Variants in CPA6 observed in about 807,000 individuals in gnomAD.
The protein encoded by CPA6 is carboxypeptidase A6, also known as carboxypeptidase B.
A neutral mutation model predicts 63.3 loss-of-function variants in CPA6; 58 were observed. That is an observed-to-expected ratio of 0.92 (90% CI 0.74 to 1.14). The LOEUF is 1.14. Ranked by LOEUF, CPA6 falls within the 50% of genes most tolerant of loss-of-function variation. CPA6 has a pLI of 0.00. For synonymous variants in CPA6, 185 were observed against 179.0 expected (o/e 1.03, Z -0.27); for missense variants, 565 against 526.6 (o/e 1.07, Z -0.71).
In CPA6 at chr8:67,506,801, A is replaced by T. The variant is rs1391795233; in HGVS notation, c.622T>A (p.Trp208Arg). 17 of 1,610,530 alleles carry T rather than the reference A, an allele frequency of 1.1e-5. No homozygotes were observed. Among genetic ancestry groups the T allele is most frequent in the Non-Finnish European group, 1.4e-5 (17 of 1,176,966 alleles). Residue 208 changes from tryptophan (W) to arginine (R), a missense_variant, in exon 6 of 11, where the codon TGG (tryptophan) becomes AGG (arginine). Physicochemically the swap from Trp to Arg is moderately radical, Grantham distance 101. Transcript: ENST00000297770. ...GTTTAACTTACTTCTTTTACAAACC[A>T]CTGACAAAAGGCAGGACCAATCCAT... ...REWIGPAFCQWFVKEALLTYK... is the reference protein window; with the variant it reads ...REWIGPAFCQRFVKEALLTYK...
intron 1 of CPA6, among the ~76,000 whole-genome samples, chr8:67,690,185 C>T (rs1043339954): frequency 1.3e-5 from 2 of 152,088 alleles, no homozygotes; most frequent in Non-Finnish European, 2.9e-5. Flanking sequence ...AGTTCTGTAT[C>T]TTATAGGTGG....
At chr8:67,513,753 G>A (rs574272389) in intron 3 of CPA6, among the ~76,000 whole-genome samples, 1 of 152,266 alleles carries the variant, frequency 6.6e-6, no homozygotes, top group South Asian at 2.1e-4. Context: ...GCGTATCGAT[G>A]ACAAGGCTGT....
chr8:67,541,276 G>A (rs925817947), intron 2 of CPA6, among the ~76,000 whole-genome samples: 1 of 152,110 alleles, frequency 6.6e-6, no homozygotes, highest in East Asian at 1.9e-4. Flanking sequence ...GTCCCTCATG[G>A]TAAGGGAGGA....
At chr8:67,656,638 T>G (rs986869843) in intron 1 of CPA6, among the ~76,000 whole-genome samples, 14 of 152,158 alleles carry the variant, frequency 9.2e-5, no homozygotes, top group Non-Finnish European at 1.9e-4. Flanking sequence ...ACCTCCCCAA[T>G]GTCTGGTTAT....
intron 8 of CPA6, among the ~76,000 whole-genome samples, chr8:67,458,358 C>T (rs914573338): frequency 6.6e-6 from 1 of 152,110 alleles, no homozygotes; most frequent in Non-Finnish European, 1.5e-5. Context: ...CCACCACCCC[C>T]GGCTATTTTT....
At chr8:67,499,468 T>C (rs774208693) in intron 6 of CPA6, among the ~76,000 whole-genome samples, 8 of 152,214 alleles carry the variant, frequency 5.3e-5, no homozygotes, top group Non-Finnish European at 5.9e-5. Flanking sequence ...CATGTAATTA[T>C]AGGAATACAG....
chr8:67,522,295 C>A (rs1490788009), intron 2 of CPA6, among the ~76,000 whole-genome samples: 1 of 152,176 alleles, frequency 6.6e-6, no homozygotes, highest in Non-Finnish European at 1.5e-5. Context: ...AGTGGGCTAC[C>A]CACTTCAGGT....
rs1450898888 is a variant in CPA6 at position 67,501,622 on chromosome 8, T to C, written c.636+5165A>G. 4.6e-5 allele frequency among the ~76,000 whole-genome samples: 7 copies of C among 152,184 alleles called. No homozygotes were observed. In the East Asian group the frequency reaches 5.8e-4, roughly 13 times the overall value. On this transcript the variant is annotated intron_variant, in intron 6 of 10. Transcript: ENST00000297770. ...ATAAATCTCACTTAGCTATGGTATATAATTATTTTTCTTGATTGCTAAATT... is the reference window on the plus strand; with the variant it reads ...ATAAATCTCACTTAGCTATGGTATACAATTATTTTTCTTGATTGCTAAATT...
intron 1 of CPA6, among the ~76,000 whole-genome samples, chr8:67,641,149 G>A (rs935085796): frequency 6.6e-6 from 1 of 151,732 alleles, no homozygotes; most frequent in African/African-American, 2.4e-5. Flanking sequence ...ATAGCCTGCC[G>A]CTGCCATCAC....
chr8:67,435,878 G>A (rs1368612082), intron 8 of CPA6, among the ~76,000 whole-genome samples: 1 of 151,468 alleles, frequency 6.6e-6, no homozygotes, highest in East Asian at 1.9e-4. Flanking sequence ...TTGAATCAGG[G>A]TAGTATCCTG....
rs559383765 is a variant in CPA6 at position 67,745,557 on chromosome 8, C to G, written c.116+457G>C. On this transcript the variant is annotated intron_variant, in intron 1 of 10. Transcript: ENST00000297770. Reference sequence around the variant, plus strand: ...CATATTTAAAAATCTAATAACCACTCTACAGACTAATAAGCACAGACAAAA... The same window carrying G: ...CATATTTAAAAATCTAATAACCACTGTACAGACTAATAAGCACAGACAAAA... 3.3e-5 allele frequency among the ~76,000 whole-genome samples: 5 copies of G among 151,924 alleles called. No individual in the cohort carries two copies. The East Asian group carries it at 9.7e-4, about 29-fold the overall frequency.
intron 8 of CPA6, among the ~76,000 whole-genome samples, chr8:67,440,564 C>A (rs1297063293): frequency 6.6e-6 from 1 of 151,888 alleles, no homozygotes; most frequent in Non-Finnish European, 1.5e-5. Flanking sequence ...GAGAAAGACC[C>A]TATCTCAAAA....
intron 1 of CPA6, among the ~76,000 whole-genome samples, chr8:67,662,710 AT>A (rs1816145581): frequency 6.6e-6 from 1 of 151,932 alleles, no homozygotes; most frequent in Non-Finnish European, 1.5e-5. Context: ...GCGATTAATG[AT>A]TTATCGCTTA....
chr8:67,661,290 G>A (rs1563381847), intron 1 of CPA6, among the ~76,000 whole-genome samples: 2 of 152,316 alleles, frequency 1.3e-5, no homozygotes, highest in Non-Finnish European at 2.9e-5. Flanking sequence ...TGGGAACGCA[G>A]CTGGTGATTG....
chr8:67,621,522 C>T (rs1039934653), intron 2 of CPA6, among the ~76,000 whole-genome samples: 17 of 152,136 alleles, frequency 1.1e-4, no homozygotes, highest in Admixed American at 4.6e-4. Context: ...GGCTTGACAC[C>T]GACTAGATCC....
At chr8:67,649,935 G>A (rs1027895464) in intron 1 of CPA6, among the ~76,000 whole-genome samples, 1 of 152,162 alleles carries the variant, frequency 6.6e-6, no homozygotes, top group Non-Finnish European at 1.5e-5. Flanking sequence ...ACCAGTTGAA[G>A]GGAAACGAGG....
intron 8 of CPA6, among the ~76,000 whole-genome samples, chr8:67,459,661 A>G (rs890148903): frequency 1.3e-5 from 2 of 152,154 alleles, no homozygotes; most frequent in African/African-American, 4.8e-5. Context: ...GGCAATGAAG[A>G]TACTCTGTAA....
chr8:67,725,410 GATC>G (rs1366818636), intron 1 of CPA6, among the ~76,000 whole-genome samples: 1 of 152,180 alleles, frequency 6.6e-6, no homozygotes, highest in African/African-American at 2.4e-5. Context: ...GGAACTTTGA[GATC>G]ATCATCACCT....
At chr8:67,486,364 C>T (rs896804227) in intron 6 of CPA6, among the ~76,000 whole-genome samples, 3 of 152,208 alleles carry the variant, frequency 2.0e-5, no homozygotes, top group African/African-American at 7.2e-5. Context: ...TTGATATTTG[C>T]ATTGCAGATC....
Sources: gnomAD v4.1 joint callset for allele counts (sites outside exome capture counted in the v4.1 genomes callset) on GRCh38, gnomAD v4.1.1 for gene constraint, MANE v1.5 for transcripts, NCBI Gene and HGNC (gene_info 2026-07-23, HGNC 2026-07-21) for gene names.